Variants in CFAP54 observed in about 807,000 individuals in gnomAD.
CFAP54 encodes cilia- and flagella-associated protein 54.
CFAP54 carries 290 observed loss-of-function variants against 370.4 expected under a neutral mutation model. The ratio of observed to expected loss-of-function variants is 0.78; its 90% CI spans 0.71 to 0.86. The LOEUF (loss-of-function observed/expected upper bound fraction) is 0.86. Ranked by LOEUF, CFAP54 falls within the 40% of genes least tolerant of loss-of-function variation. CFAP54 has a pLI of 0.00. For synonymous variants in CFAP54, 1,206 were observed against 1,236.5 expected (o/e 0.98, Z 0.52); for missense variants, 3,399 against 3,528.7 (o/e 0.96, Z 0.93).
At chr12:96,689,302 A>G (rs1049165461) in intron 43 of CFAP54, among the ~76,000 whole-genome samples, 2 of 152,088 alleles carry the variant, frequency 1.3e-5, no homozygotes, top group Admixed American at 1.3e-4. Flanking sequence ...CTGGGACTAC[A>G]GGCGCGCACC....
chr12:96,712,663 C>G (rs1313607506), intron 48 of CFAP54, among the ~76,000 whole-genome samples: 2 of 152,078 alleles, frequency 1.3e-5, no homozygotes, highest in African/African-American at 4.8e-5. Context: ...ATGAATTTCT[C>G]TTCATCCCTT....
At chr12:96,851,464 G>A (rs942550687) in intron 66 of CFAP54, among the ~76,000 whole-genome samples, 5 of 152,024 alleles carry the variant, frequency 3.3e-5, no homozygotes, top group Admixed American at 1.3e-4. Flanking sequence ...TTGTAATAAG[G>A]CAAGAGAATA....
intron 50 of CFAP54, among the ~76,000 whole-genome samples, chr12:96,725,693 C>A (rs1196022798): frequency 6.6e-6 from 1 of 152,162 alleles, no homozygotes; most frequent in Non-Finnish European, 1.5e-5. Flanking sequence ...ATTGCCCTGG[C>A]CAGAACTTCC....
chr12:96,621,901 T>C (rs1956498834), intron 27 of CFAP54, among the ~76,000 whole-genome samples, 180 bp downstream of exon 27: 1 of 140,002 alleles, frequency 7.1e-6, no homozygotes, highest in Admixed American at 7.2e-5. Flanking sequence ...TTTTTTTTTT[T>C]TTTTTTAGTT....
intron 19 of CFAP54, among the ~76,000 whole-genome samples, chr12:96,567,838 A>C (rs965724404): frequency 5.3e-5 from 8 of 151,948 alleles, no homozygotes; most frequent in African/African-American, 1.9e-4. Context: ...TCAAGTTTCC[A>C]GTGTGGGCAG....
chr12:96,837,694 A>G (rs1427006137), intron 66 of CFAP54, among the ~76,000 whole-genome samples: 4 of 152,238 alleles, frequency 2.6e-5, no homozygotes, highest in African/African-American at 9.6e-5. Context: ...CTGCAGTTCT[A>G]GTCCTGCCAT....
At chr12:96,774,545 A>C (rs1035545643) in intron 60 of CFAP54, among the ~76,000 whole-genome samples, 1 of 152,128 alleles carries the variant, frequency 6.6e-6, no homozygotes, top group Non-Finnish European at 1.5e-5. Flanking sequence ...GTAACCTTAT[A>C]AAAATATACT....
intron 66 of CFAP54, among the ~76,000 whole-genome samples, chr12:96,859,841 A>G (rs1592816946): frequency 6.6e-6 from 1 of 152,228 alleles, no homozygotes; most frequent in South Asian, 2.1e-4. Flanking sequence ...AAAAAAGAAA[A>G]AAACCATCTG....
intron 26 of CFAP54, among the ~76,000 whole-genome samples, chr12:96,614,562 G>A (rs969279473): frequency 6.6e-6 from 1 of 152,172 alleles, no homozygotes; most frequent in Non-Finnish European, 1.5e-5. Flanking sequence ...TAGGAAAAGA[G>A]GAAGTCAAAT....
intron 3 of CFAP54, among the ~76,000 whole-genome samples, chr12:96,504,657 T>G (rs935042604): frequency 1.3e-5 from 2 of 152,232 alleles, no homozygotes; most frequent in African/African-American, 4.8e-5. Flanking sequence ...GTTTGAACCC[T>G]GATCAGTCTG....
chr12:96,740,095 T>G (rs1958034323), intron 51 of CFAP54, 34 bp downstream of exon 51: 2 of 1,156,464 alleles, frequency 1.7e-6, no homozygotes, highest in South Asian at 1.3e-5. Flanking sequence ...CTTACAATAC[T>G]TATCATATAA....
intron 22 of CFAP54, among the ~76,000 whole-genome samples, chr12:96,582,149 G>A (rs903191474): frequency 7.9e-5 from 12 of 152,198 alleles, no homozygotes; most frequent in African/African-American, 2.2e-4. Context: ...CTTCCCAGAG[G>A]TATTATGAGT....
intron 6 of CFAP54, among the ~76,000 whole-genome samples, chr12:96,520,151 A>G (rs575177035): frequency 2.0e-5 from 3 of 152,168 alleles, no homozygotes; most frequent in Non-Finnish European, 1.5e-5. Flanking sequence ...ACACACCACT[A>G]TGCCAAGCTA....
rs1958930729 is a variant in CFAP54, at chr12:96,811,799, TATAAC to T, written c.8916_8920del (p.Tyr2972Ter). On this transcript the variant is annotated frameshift_variant, in exon 64 of 68. Coordinates refer to ENST00000524981, the MANE Select transcript of CFAP54 (RefSeq NM_001306084.2). LOFTEE classifies it high-confidence loss of function. ...GATTTCAGATGTTAGACATTCCACTTATAACAGTACATGTGTTGGCTCTTTATGGA... is the reference window on the plus strand; with the variant it reads ...GATTTCAGATGTTAGACATTCCACTTAGTACATGTGTTGGCTCTTTATGGA... The T allele has an allele frequency of 2.0e-6, 3 of 1,525,308 alleles. No homozygotes were observed. Among genetic ancestry groups the T allele is most frequent in the African/African-American group, 1.4e-5 (1 of 72,266 alleles). 94.5% of individuals were successfully genotyped at this position (1,525,308 alleles called of 1,614,324 possible).
chr12:96,746,182 C>A (rs1296168365), intron 55 of CFAP54, among the ~76,000 whole-genome samples: 1 of 152,168 alleles, frequency 6.6e-6, no homozygotes, highest in South Asian at 2.1e-4. Flanking sequence ...CCTTACTCAA[C>A]ACATCCTTTT....
intron 60 of CFAP54, among the ~76,000 whole-genome samples, chr12:96,784,301 G>T (rs931690373): frequency 6.6e-6 from 1 of 151,992 alleles, no homozygotes; most frequent in Non-Finnish European, 1.5e-5. Context: ...AGTTCCTAAG[G>T]GATATGAAAT....
intron 8 of CFAP54, among the ~76,000 whole-genome samples, chr12:96,522,459 T>C (rs574458709): frequency 3.3e-5 from 5 of 152,356 alleles, no homozygotes; most frequent in African/African-American, 1.2e-4. Context: ...TTCAATGAAC[T>C]GGCTCTTGCA....
intron 62 of CFAP54, among the ~76,000 whole-genome samples, chr12:96,791,606 G>A (rs941069829): frequency 3.9e-5 from 6 of 152,068 alleles, no homozygotes; most frequent in Non-Finnish European, 8.8e-5. Context: ...AGCAAAATAT[G>A]TCTTATTTTC....
At chr12:96,826,534 TTA>T (rs557579080) in intron 65 of CFAP54, among the ~76,000 whole-genome samples, 31,291 of 98,780 alleles carry the variant, frequency 0.32, 5,003 homozygotes, top group South Asian at 0.56. Context: ...ATATTATATA[TTA>T]TATATATAAT....
Sources: allele counts gnomAD v4.1 joint callset (sites outside exome capture counted in the v4.1 genomes callset), GRCh38; gene constraint gnomAD v4.1.1; transcripts MANE v1.5; gene names NCBI Gene and HGNC (gene_info 2026-07-23, HGNC 2026-07-21).